Variants in ADGRA3 observed in about 807,000 individuals in gnomAD.
ADGRA3 encodes G-protein coupled receptor 125.
Under a neutral mutation model 119.8 loss-of-function variants are expected in ADGRA3, and 56 were observed. The observed-to-expected ratio is 0.47, with a 90% confidence interval of 0.38 to 0.58. The LOEUF (loss-of-function observed/expected upper bound fraction) is 0.58. ADGRA3 is among the 20% of genes least tolerant of loss of function. The pLI is 0.00. For missense variants in ADGRA3, 1,516 were observed against 1,649.0 expected, an observed-to-expected ratio of 0.92 and a Z score of 1.40; for synonymous variants, 607 against 623.8, an observed-to-expected ratio of 0.97 and a Z score of 0.40.
intron 14 of ADGRA3, among the ~76,000 whole-genome samples, chr4:22,407,835 A>G (rs947430574): frequency 6.6e-6 from 1 of 152,194 alleles, no homozygotes; most frequent in African/African-American, 2.4e-5. Flanking sequence ...TGAATATAAA[A>G]TCAGTGGACA....
intron 1 of ADGRA3, among the ~76,000 whole-genome samples, chr4:22,483,002 G>A (rs1320172111): frequency 6.6e-6 from 1 of 152,146 alleles, no homozygotes; most frequent in Non-Finnish European, 1.5e-5. Flanking sequence ...CAGTGGTAGC[G>A]GGGCTCTGCA....
Position 22,387,515 on chromosome 4 carries a change from G to T in ADGRA3, c.*190C>A. ...GACAACTAAAACAATGTTTTAGAAA[G>T]ATTTTGTTTCAGATCCTAAAAAATA... is the stretch of plus-strand genomic sequence containing the variant. On this transcript the variant is annotated 3_prime_UTR_variant, in exon 19 of 19. Transcript: ENST00000334304. 2 of 516,696 alleles carry T rather than the reference G, an allele frequency of 3.9e-6. No individual in the cohort carries two copies. Among genetic ancestry groups the T allele is most frequent in the Non-Finnish European group, 6.7e-6 (2 of 298,362 alleles). 32.0% of individuals were successfully genotyped at this position (516,696 alleles called of 1,614,324 possible). A position where few individuals can be genotyped will look rare whatever the true frequency, so the allele number is the denominator to read the frequency against.
rs1247207211 is a variant in ADGRA3 at position 22,515,791 on chromosome 4, G to A, written c.-7C>T. The A allele has an allele frequency of 3.0e-6, 3 of 1,000,304 alleles. No homozygotes were observed. The highest frequency in any genetic ancestry group is 4.5e-5 in the South Asian group (1 of 22,180). 62.0% of individuals were successfully genotyped at this position (1,000,304 alleles called of 1,614,324 possible). A position where few individuals can be genotyped will look rare whatever the true frequency, so the allele number is the denominator to read the frequency against. On this transcript the variant is annotated 5_prime_UTR_variant, in exon 1 of 19. Transcript: ENST00000334304. ...GGCGTCCGGGTGGCTCCATGCTGCG[G>A]GCCGGGGCCTGCGGGGCGAGCGGCG...
chr4:22,432,373 G>A (rs1441129510), intron 10 of ADGRA3, among the ~76,000 whole-genome samples: 1 of 151,508 alleles, frequency 6.6e-6, no homozygotes, highest in African/African-American at 2.4e-5. Flanking sequence ...GAAGTTCTAC[G>A]AACAAAGTCC....
intron 14 of ADGRA3, among the ~76,000 whole-genome samples, chr4:22,407,762 T>C (rs922943044): frequency 2.0e-5 from 3 of 152,210 alleles, no homozygotes; most frequent in African/African-American, 7.2e-5. Flanking sequence ...AAAAAGTTTT[T>C]AGAACTGTTT....
chr4:22,509,935 G>A (rs1482719714), intron 1 of ADGRA3, among the ~76,000 whole-genome samples: 3 of 150,954 alleles, frequency 2.0e-5, no homozygotes, highest in Non-Finnish European at 3.0e-5. Context: ...GCGTGAACCC[G>A]GGAGGCGGAG....
chr4:22,466,850 C>G (rs1717677101), intron 2 of ADGRA3, among the ~76,000 whole-genome samples: 1 of 152,178 alleles, frequency 6.6e-6, no homozygotes, highest in Admixed American at 6.5e-5. Context: ...GGCTCTGCTC[C>G]ACTCAGCGAG....
intron 4 of ADGRA3, among the ~76,000 whole-genome samples, chr4:22,453,398 T>C (rs565398482): frequency 1.2e-4 from 18 of 152,224 alleles, no homozygotes; most frequent in African/African-American, 4.1e-4. Flanking sequence ...GCCATATACC[T>C]TTCCCTGAAA....
intron 1 of ADGRA3, among the ~76,000 whole-genome samples, chr4:22,511,972 C>T (rs892544071): frequency 6.8e-6 from 1 of 147,424 alleles, no homozygotes; most frequent in South Asian, 2.2e-4. Flanking sequence ...TCTTCACTCA[C>T]TGCAACCTCC....
rs141847352 is a variant in ADGRA3 at position 22,459,861 on chromosome 4, C to G, written c.401+1876G>C. Among the ~76,000 whole-genome samples, 8 of 152,220 alleles carry G rather than the reference C, an allele frequency of 5.3e-5. No individual in the cohort carries two copies. In the East Asian group the frequency reaches 1.5e-3, roughly 29 times the overall value. On this transcript the variant is annotated intron_variant, in intron 3 of 18. Transcript: ENST00000334304. ...GAATACTCTGAAATACAAATCTGAT[C>G]ACGTCAATTCCATAATAAAAAAGTT...
intron 10 of ADGRA3, among the ~76,000 whole-genome samples, chr4:22,429,286 G>A (rs1239053608): frequency 6.6e-6 from 1 of 152,198 alleles, no homozygotes; most frequent in Non-Finnish European, 1.5e-5. Flanking sequence ...ACAGAGGACT[G>A]AGTACTCTGG....
At chr4:22,400,707 G>A (rs1191290766) in intron 16 of ADGRA3, among the ~76,000 whole-genome samples, 1 of 151,046 alleles carries the variant, frequency 6.6e-6, no homozygotes, top group Non-Finnish European at 1.5e-5. Flanking sequence ...TTTAATTACA[G>A]TTTTAAAAGC....
At chr4:22,498,198 G>A (rs1262655606) in intron 1 of ADGRA3, among the ~76,000 whole-genome samples, 1 of 152,046 alleles carries the variant, frequency 6.6e-6, no homozygotes, top group Non-Finnish European at 1.5e-5. Context: ...AGTGAGCCGA[G>A]ATCATGCCAT....
intron 10 of ADGRA3, among the ~76,000 whole-genome samples, chr4:22,430,003 T>C (rs1282293565): frequency 1.3e-5 from 2 of 152,104 alleles, no homozygotes; most frequent in Non-Finnish European, 2.9e-5. Context: ...TGATAGTAAG[T>C]CTCACGATAT....
intron 14 of ADGRA3, among the ~76,000 whole-genome samples, chr4:22,409,823 C>G (rs1055098058): frequency 6.6e-6 from 1 of 152,092 alleles, no homozygotes; most frequent in Non-Finnish European, 1.5e-5. Flanking sequence ...ATTTTTGTTT[C>G]CATAAACACG....
In ADGRA3 at chr4:22,420,920, T is replaced by C. The variant is rs766047907; in HGVS notation, c.1775A>G (p.Asn592Ser). ...NLDKQLSFKC[N>S]VSNTFSSLAL... is the part of the protein sequence containing the mutation. The stretch of plus-strand genomic sequence containing the variant: ...CAGACTCGAAAATGTATTTGAAACA[T>C]TGCACTTAAAGCTCAGCTGCTTATC... Residue 592 changes from asparagine to serine, a missense_variant, in exon 12 of 19, where the codon AAT (asparagine) becomes AGT (serine). Asn to Ser is a conservative substitution (Grantham distance 46). Transcript: ENST00000334304. 8 of 1,613,992 alleles carry C rather than the reference T, an allele frequency of 5.0e-6. No individual in the cohort carries two copies. Among genetic ancestry groups the C allele is most frequent in the Admixed American group, 1.7e-5 (1 of 59,994 alleles).
At chr4:22,396,755 C>T (rs1313592957) in intron 16 of ADGRA3, among the ~76,000 whole-genome samples, 5 of 92,420 alleles carry the variant, frequency 5.4e-5, no homozygotes, top group East Asian at 5.2e-4. Flanking sequence ...GACAATGAAA[C>T]GTCTAGACTT....
intron 4 of ADGRA3, among the ~76,000 whole-genome samples, chr4:22,449,495 G>A (rs1347709698): frequency 6.6e-6 from 1 of 152,010 alleles, no homozygotes; most frequent in East Asian, 1.9e-4. Flanking sequence ...TTCTTTAAAT[G>A]TTTGCAAGAT....
At chr4:22,481,682 A>T (rs371837547) in intron 1 of ADGRA3, among the ~76,000 whole-genome samples, 2 of 152,334 alleles carry the variant, frequency 1.3e-5, no homozygotes, top group East Asian at 3.9e-4. Context: ...CTCCTACAAT[A>T]ATTTTAATAG....
Sources: gnomAD v4.1 joint callset for allele counts (sites outside exome capture counted in the v4.1 genomes callset) on GRCh38, gnomAD v4.1.1 for gene constraint, MANE v1.5 for transcripts, NCBI Gene and HGNC (gene_info 2026-07-23, HGNC 2026-07-21) for gene names.